The following IL31RA variants were observed in gnomAD, a reference collection of about 807,000 sequenced individuals.
IL31RA encodes the protein interleukin-31 receptor subunit alpha.
IL31RA carries 66 observed loss-of-function variants against 83.7 expected under a neutral mutation model. That is an observed-to-expected ratio of 0.79 (90% CI 0.65 to 0.97). IL31RA has a LOEUF of 0.97. Among genes scored for constraint, IL31RA ranks in the 50% least tolerant of loss-of-function variants. The probability of loss-of-function intolerance (pLI) is 0.00; values close to 1 mark genes in which losing one functional copy is unlikely to be tolerated. For missense variants in IL31RA, 798 were observed against 919.4 expected, an observed-to-expected ratio of 0.87 and a Z score of 1.71; for synonymous variants, 325 against 329.0, an observed-to-expected ratio of 0.99 and a Z score of 0.13.
chr5:55,858,384 ATG>A (rs893752515), intron 1 of IL31RA, among the ~76,000 whole-genome samples: 1 of 152,196 alleles, frequency 6.6e-6, no homozygotes, highest in African/African-American at 2.4e-5. Flanking sequence ...CACAAAAAGA[ATG>A]TTCTTAGTGT....
At chr5:55,856,839 T>C (rs1456745841) in intron 1 of IL31RA, among the ~76,000 whole-genome samples, 1 of 152,200 alleles carries the variant, frequency 6.6e-6, no homozygotes, top group Non-Finnish European at 1.5e-5. Context: ...ATATTTTACA[T>C]TCTAAGGTGA....
At chr5:55,916,220 A>G (rs1749770076) in intron 14 of IL31RA, among the ~76,000 whole-genome samples, 1 of 152,048 alleles carries the variant, frequency 6.6e-6, no homozygotes, top group South Asian at 2.1e-4. Flanking sequence ...ATCTCTACAA[A>G]AAATTAAAAA....
chr5:55,916,441 G>A (rs1295332944), intron 14 of IL31RA, among the ~76,000 whole-genome samples: 3 of 151,876 alleles, frequency 2.0e-5, no homozygotes, highest in Non-Finnish European at 2.9e-5. Flanking sequence ...TGAATCCAGG[G>A]CACTGTTTCT....
chr5:55,857,777 C>T lies in IL31RA; in HGVS notation c.64-1732C>T, dbSNP rs142733470. On this transcript the variant is annotated intron_variant, in intron 1 of 14. Transcript: ENST00000652347. ...CTGCTATCCTCTCCATCCTTTTCTCCCTTCCCTTTGTTAAAAATCACTGAA... is the reference window on the plus strand; with the variant it reads ...CTGCTATCCTCTCCATCCTTTTCTCTCTTCCCTTTGTTAAAAATCACTGAA... Among the ~76,000 whole-genome samples the T allele has an allele frequency of 5.9e-5, 9 of 152,238 alleles. No individual in the cohort carries two copies. The East Asian group carries it at 1.7e-3, about 29-fold the overall frequency.
chr5:55,910,194 C>T (rs1749417303), intron 11 of IL31RA, among the ~76,000 whole-genome samples: 1 of 152,084 alleles, frequency 6.6e-6, no homozygotes, highest in African/African-American at 2.4e-5. Context: ...TTGATATTAT[C>T]TTTTGATGCA....
At chr5:55,859,425 T>C (rs1194598910) in intron 1 of IL31RA, 84 bp from the exon 2 acceptor site, 1 of 973,584 alleles carries the variant, frequency 1.0e-6, no homozygotes, top group Non-Finnish European at 1.7e-6. Flanking sequence ...CCTTCCAAAA[T>C]CCCCAGAATC....
At chr5:55,891,278 C>T (rs1035218122) in intron 6 of IL31RA, among the ~76,000 whole-genome samples, 1 of 152,164 alleles carries the variant, frequency 6.6e-6, no homozygotes, top group African/African-American at 2.4e-5. Context: ...AGAGTCTGAC[C>T]CTCAGTGGAC....
intron 5 of IL31RA, among the ~76,000 whole-genome samples, chr5:55,884,749 C>G (rs1747474822): frequency 6.6e-6 from 1 of 152,112 alleles, no homozygotes; most frequent in Non-Finnish European, 1.5e-5. Flanking sequence ...CAACTATTAG[C>G]CAATTAAATC....
intron 4 of IL31RA, among the ~76,000 whole-genome samples, chr5:55,872,897 A>AT (rs1746619350): frequency 6.6e-6 from 1 of 152,194 alleles, no homozygotes; most frequent in Admixed American, 6.5e-5. Context: ...TTTTAAAATT[A>AT]TAACTGTATT....
intron 5 of IL31RA, among the ~76,000 whole-genome samples, chr5:55,884,096 T>G (rs772858609): frequency 3.4e-4 from 52 of 152,210 alleles, no homozygotes; most frequent in Non-Finnish European, 1.0e-4. Context: ...AAGCGCTGAT[T>G]TAAGCCTTTT....
intron 3 of IL31RA, among the ~76,000 whole-genome samples, chr5:55,870,158 A>G (rs1324684296): frequency 6.6e-6 from 1 of 152,236 alleles, no homozygotes; most frequent in East Asian, 1.9e-4. Context: ...TCATACAGCT[A>G]TAGGCAATAT....
At chr5:55,893,856 G>C (rs1748169678) in intron 6 of IL31RA, among the ~76,000 whole-genome samples, 1 of 139,220 alleles carries the variant, frequency 7.2e-6, no homozygotes, top group African/African-American at 2.8e-5. Flanking sequence ...CTGTCACCCA[G>C]ACTGAAATGT....
intron 11 of IL31RA, chr5:55,909,024 T>G: frequency 2.6e-6 from 1 of 385,684 alleles, no homozygotes; most frequent in Non-Finnish European, 3.7e-6. Context: ...AGAAGCCCTA[T>G]ACCCATTCAT....
chr5:55,919,017 CTCTCCCTGT>C lies in IL31RA; in HGVS notation c.*1903_*1911del, dbSNP rs912055431. 3.2e-3 allele frequency among the ~76,000 whole-genome samples: 484 copies of C among 152,308 alleles called. 13 individuals carry two copies. Among genetic ancestry groups the C allele is most frequent in the Non-Finnish European group, 1.0e-3 (70 of 68,020 alleles). Reference sequence around the variant, plus strand: ...CCGCCCCTGATGTCTGCTCTCCCTGCTCTCCCTGTTCTCCACCCCTTCTATGGTGTGGGC... The same window carrying C: ...CCGCCCCTGATGTCTGCTCTCCCTGCTCTCCACCCCTTCTATGGTGTGGGC... On this transcript the variant is annotated 3_prime_UTR_variant, in exon 15 of 15. Transcript: ENST00000652347.
intron 5 of IL31RA, 79 bp from the exon 6 acceptor site, chr5:55,889,891 G>A: frequency 7.9e-7 from 1 of 1,273,410 alleles, no homozygotes; most frequent in Non-Finnish European, 1.1e-6. Flanking sequence ...AAATGTAAAA[G>A]TACACTAGGT....
chr5:55,853,399 A>G (rs979732743), intron 1 of IL31RA: 8 of 1,398,766 alleles, frequency 5.7e-6, no homozygotes, highest in South Asian at 2.0e-5. Flanking sequence ...AAAGCACAAG[A>G]AAAGCTCGCA....
upstream of IL31RA, among the ~76,000 whole-genome samples, chr5:55,847,445 G>A (rs966808033): frequency 6.6e-6 from 1 of 151,872 alleles, no homozygotes; most frequent in Non-Finnish European, 1.5e-5. Flanking sequence ...AGGTGGGCGT[G>A]GTGGTGCACT....
chr5:55,851,108 A>G (rs185441592), upstream of IL31RA, among the ~76,000 whole-genome samples: 142 of 152,284 alleles, frequency 9.3e-4, 1 homozygote, highest in African/African-American at 3.2e-3. Context: ...AAGAAAAAAA[A>G]AAAGAAAAAA....
chr5:55,906,121 A>G lies in IL31RA; in HGVS notation c.1085A>G (p.Glu362Gly). Residue 362 changes from glutamate to glycine, a missense_variant, in exon 9 of 15, where the codon GAG becomes GGG. Glu to Gly is a moderately conservative substitution (Grantham distance 98). Transcript: ENST00000652347. The part of the protein sequence containing the change: ...AIQEKSFQCI[E>G]VMQACVAEDQ... ...CTCCTTTCAGCATTTCAGTGCATTG[A>G]GGTCATGCAGGCCTGCGTTGCTGAG... 6.2e-7 allele frequency: 1 copy of G among 1,613,484 alleles called. No homozygotes were observed. The highest frequency in any genetic ancestry group is 8.5e-7 in the Non-Finnish European group (1 of 1,179,928).
Sources: allele counts gnomAD v4.1 joint callset (sites outside exome capture counted in the v4.1 genomes callset), GRCh38; gene constraint gnomAD v4.1.1; transcripts MANE v1.5; gene names NCBI Gene and HGNC (gene_info 2026-07-23, HGNC 2026-07-21).